Variants in BACH2 observed in about 807,000 individuals in gnomAD.
BACH2 encodes BACH transcriptional regulator 2, also known as transcription regulator protein BACH2.
BACH2 carries 5 observed loss-of-function variants against 61.8 expected under a neutral mutation model. The ratio of observed to expected loss-of-function variants is 0.08; its 90% CI spans 0.04 to 0.17. BACH2 has a LOEUF of 0.17. Among genes scored for constraint, BACH2 ranks in the 10% least tolerant of loss-of-function variants. BACH2 has a pLI of 1.00. For synonymous variants in BACH2, 446 were observed against 440.1 expected, an observed-to-expected ratio of 1.01 and a Z score of -0.17; for missense variants, 824 against 1,091.1, an observed-to-expected ratio of 0.76 and a Z score of 3.45.
At chr6:89,997,913 T>C (rs746845897) in intron 6 of BACH2, among the ~76,000 whole-genome samples, 20 of 152,172 alleles carry the variant, frequency 1.3e-4, no homozygotes, top group Non-Finnish European at 2.6e-4. Flanking sequence ...TGTAACACTT[T>C]TGGGAAGAAT....
intron 6 of BACH2, among the ~76,000 whole-genome samples, chr6:89,990,511 T>C (rs1004414843): frequency 6.6e-6 from 1 of 152,066 alleles, no homozygotes; most frequent in African/African-American, 2.4e-5. Flanking sequence ...CCAAAATCCA[T>C]AGTCATACTG....
chr6:90,044,434 G>T (rs1177732003), intron 5 of BACH2, among the ~76,000 whole-genome samples: 9 of 152,226 alleles, frequency 5.9e-5, no homozygotes, highest in Non-Finnish European at 1.3e-4. Flanking sequence ...AAGCTGCAGA[G>T]GTAGTCAGGA....
chr6:90,067,209 G>A (rs1180217408), intron 5 of BACH2, among the ~76,000 whole-genome samples: 1 of 152,026 alleles, frequency 6.6e-6, no homozygotes, highest in Non-Finnish European at 1.5e-5. Context: ...GGAAGGGGAA[G>A]GTCGTTCCAG....
At chr6:90,216,599 T>C (rs1769546667) in intron 3 of BACH2, among the ~76,000 whole-genome samples, 1 of 152,234 alleles carries the variant, frequency 6.6e-6, no homozygotes, top group African/African-American at 2.4e-5. Flanking sequence ...TACTCTTGCC[T>C]GCACCTTCAA....
At chr6:89,991,436 T>C (rs1417784047) in intron 6 of BACH2, among the ~76,000 whole-genome samples, 2 of 152,198 alleles carry the variant, frequency 1.3e-5, no homozygotes, top group African/African-American at 2.4e-5. Flanking sequence ...CTTCTCTCAA[T>C]GTATATCTAT....
chr6:90,059,176 A>C (rs1489694013), intron 5 of BACH2, among the ~76,000 whole-genome samples: 1 of 152,270 alleles, frequency 6.6e-6, no homozygotes, highest in African/African-American at 2.4e-5. Flanking sequence ...CTACCATCAG[A>C]GTGAACAGGC....
chr6:89,948,562 T>C (rs1317631659), intron 7 of BACH2, among the ~76,000 whole-genome samples: 6 of 152,158 alleles, frequency 3.9e-5, no homozygotes, highest in Admixed American at 3.9e-4. Flanking sequence ...CTTTGTGCTC[T>C]TCTCCCTCCA....
chr6:90,040,520 G>T (rs1045173622), intron 5 of BACH2, among the ~76,000 whole-genome samples: 3 of 149,920 alleles, frequency 2.0e-5, no homozygotes, highest in African/African-American at 4.9e-5. Context: ...GGCTATTTTT[G>T]ATTTTTTTTT....
rs538431499 is a variant in BACH2 at position 90,277,427 on chromosome 6, A to C, written c.-445-5486T>G. ...CTGTATCTCCATTGATATAAAGTTC[A>C]AAAACAGGCAAAGCAAATCTATGCT... On this transcript the variant is annotated intron_variant, in intron 1 of 8. Transcript: ENST00000257749. 1.5e-4 allele frequency among the ~76,000 whole-genome samples: 23 copies of C among 152,332 alleles called. No individual in the cohort carries two copies. In the East Asian group the frequency reaches 2.5e-3, roughly 17 times the overall value.
At chr6:90,147,997 A>G (rs903793602) in intron 4 of BACH2, among the ~76,000 whole-genome samples, 2 of 152,232 alleles carry the variant, frequency 1.3e-5, no homozygotes, top group Admixed American at 1.3e-4. Flanking sequence ...ATGAGATTAC[A>G]GAAAGACACA....
chr6:90,116,509 G>A (rs1282966775), intron 4 of BACH2, among the ~76,000 whole-genome samples: 1 of 152,080 alleles, frequency 6.6e-6, no homozygotes, highest in Non-Finnish European at 1.5e-5. Context: ...GAGGGTGGGA[G>A]AGAAAGTAGC....
intron 3 of BACH2, among the ~76,000 whole-genome samples, chr6:90,247,821 G>T (rs372374783): frequency 6.6e-6 from 1 of 152,104 alleles, no homozygotes; most frequent in Non-Finnish European, 1.5e-5. Flanking sequence ...TGTCAAAGTT[G>T]AACCCATTCT....
At chr6:90,126,212 C>A (rs1783843914) in intron 4 of BACH2, among the ~76,000 whole-genome samples, 2 of 152,172 alleles carry the variant, frequency 1.3e-5, no homozygotes, top group Admixed American at 1.3e-4. Flanking sequence ...TGTAAACACA[C>A]AAAGCACATA....
At chr6:90,281,102 G>A (rs1405916279) in intron 1 of BACH2, among the ~76,000 whole-genome samples, 1 of 152,184 alleles carries the variant, frequency 6.6e-6, no homozygotes, top group African/African-American at 2.4e-5. Context: ...ATCCAGACCT[G>A]AGAGTAGTTG....
chr6:90,089,544 C>T (rs984167934), intron 4 of BACH2, among the ~76,000 whole-genome samples: 7 of 151,840 alleles, frequency 4.6e-5, no homozygotes, highest in Non-Finnish European at 8.8e-5. Context: ...GAATTCTGAC[C>T]GAAATGAGAT....
chr6:90,247,386 C>A (rs1192690624), intron 3 of BACH2, among the ~76,000 whole-genome samples: 1 of 150,858 alleles, frequency 6.6e-6, no homozygotes, highest in Non-Finnish European at 1.5e-5. Flanking sequence ...CAGGCATGCA[C>A]CACCATGTAC....
In BACH2 at chr6:90,008,852, A is replaced by G. The variant is rs1390326205; in HGVS notation, c.-8T>C. On this transcript the variant is annotated 5_prime_UTR_variant, in exon 6 of 9. It removes the in-frame stop codon of an upstream open reading frame in the 5' UTR. Transcript: ENST00000257749. The surrounding 1 kb of genome is among the most constrained non-coding windows in gnomAD (Gnocchi z 4.1). ...CTTCTCATCCACAGACATGCCGTTCACACCCTGAAAGAAAGAAAGAAACAA... is the reference window on the plus strand; with the variant it reads ...CTTCTCATCCACAGACATGCCGTTCGCACCCTGAAAGAAAGAAAGAAACAA... 1.9e-6 allele frequency: 3 copies of G among 1,612,882 alleles called. No homozygotes were observed. Among genetic ancestry groups the G allele is most frequent in the Non-Finnish European group, 2.5e-6 (3 of 1,179,022 alleles).
At chr6:90,242,649 A>G (rs1306004367) in intron 3 of BACH2, among the ~76,000 whole-genome samples, 1 of 152,202 alleles carries the variant, frequency 6.6e-6, no homozygotes, top group Non-Finnish European at 1.5e-5. Flanking sequence ...TGAGCTTTAT[A>G]AGAAGCTGCC....
chr6:89,944,074 G>A (rs1168309782), intron 7 of BACH2, among the ~76,000 whole-genome samples: 2 of 152,200 alleles, frequency 1.3e-5, no homozygotes, highest in Admixed American at 6.5e-5. Flanking sequence ...GTCCTTCCAC[G>A]CCCTCTTCTC....
Sources: allele counts gnomAD v4.1 joint callset (sites outside exome capture counted in the v4.1 genomes callset), GRCh38; gene constraint gnomAD v4.1.1; non-coding constraint Gnocchi (gnomAD v3.1); transcripts MANE v1.5; gene names NCBI Gene and HGNC (gene_info 2026-07-23, HGNC 2026-07-21).